Variants in PTAR1 observed in about 807,000 individuals in gnomAD.
PTAR1 encodes the protein protein prenyltransferase alpha subunit repeat-containing protein 1.
In PTAR1, 17 loss-of-function variants were observed where a neutral mutation model predicts 45.5. The ratio of observed to expected loss-of-function variants is 0.37; its 90% confidence interval spans 0.26 to 0.56. The LOEUF (loss-of-function observed/expected upper bound fraction) is 0.56. Ranked by LOEUF, PTAR1 falls within the 20% of genes least tolerant of loss-of-function variation. The pLI is 0.77. For synonymous variants in PTAR1, 169 were observed against 171.3 expected (o/e 0.99, Z 0.11); for missense variants, 391 against 476.3 (o/e 0.82, Z 1.67).
intron 2 of PTAR1, among the ~76,000 whole-genome samples, chr9:69,744,460 A>G (rs1013794057): frequency 2.0e-5 from 3 of 150,868 alleles, no homozygotes; most frequent in African/African-American, 7.3e-5. Context: ...ATCTTGGCTC[A>G]CTGCAACCTC....
At chr9:69,751,258 A>G (rs949051401) in intron 1 of PTAR1, among the ~76,000 whole-genome samples, 37 of 152,118 alleles carry the variant, frequency 2.4e-4, no homozygotes, top group African/African-American at 8.7e-4. Flanking sequence ...AAATTATCCT[A>G]TGCCAAAATA....
chr9:69,749,264 TTTTCTA>T (rs1391354550), intron 2 of PTAR1, among the ~76,000 whole-genome samples: 1 of 152,172 alleles, frequency 6.6e-6, no homozygotes, highest in Non-Finnish European at 1.5e-5. Context: ...ATTCAGTTTC[TTTTCTA>T]TAAGATAATC....
intron 1 of PTAR1, among the ~76,000 whole-genome samples, chr9:69,755,477 A>G (rs1340349778): frequency 6.6e-6 from 1 of 152,200 alleles, no homozygotes; most frequent in African/African-American, 2.4e-5. Flanking sequence ...ATTATCCACA[A>G]AAGTTGCATC....
chr9:69,724,102 G>T lies in PTAR1; in HGVS notation c.643-472C>A, dbSNP rs181313817. 1.3e-4 allele frequency among the ~76,000 whole-genome samples: 20 copies of T among 152,202 alleles called. No homozygotes were observed. In the Middle Eastern group the frequency reaches 0.01, roughly 78 times the overall value. ...TACAATAGGCTCAGTGAAATTATTT[G>T]TTCTTCAATATAAATGTCATGAGGG... On this transcript the variant is annotated intron_variant, in intron 5 of 7. Transcript: ENST00000340434.
rs142925450 is a variant in PTAR1, at chr9:69,743,799, C to T, written c.257-1941G>A. Among the ~76,000 whole-genome samples, 10 of 152,090 alleles carry T rather than the reference C, an allele frequency of 6.6e-5. No homozygotes were observed. The East Asian group carries it at 1.9e-3, about 29-fold the overall frequency. On this transcript the variant is annotated intron_variant, in intron 2 of 7. Coordinates refer to ENST00000340434, the MANE Select transcript of PTAR1 (RefSeq NM_001099666.2). The stretch of plus-strand genomic sequence containing the variant: ...CTGAGTGATTGAATGTAATGATAAA[C>T]AAGACCTAATTTTGCCTCTAGGTTA...
chr9:69,712,730 T>C lies in PTAR1; in HGVS notation c.*5612A>G, dbSNP rs1217521564. On this transcript the variant is annotated 3_prime_UTR_variant, in exon 8 of 8. Transcript: ENST00000340434. ...TGAAAACCAACGGTAATCATTTTCC[T>C]CAACAGTATTTCTAAAAGTTGAGAA... 6.6e-6 allele frequency: 1 copy of C among 152,122 alleles called. No homozygotes were observed. Among genetic ancestry groups the C allele is most frequent in the Non-Finnish European group, 1.5e-5 (1 of 68,010 alleles). The allele number at this position is 152,122 out of a possible 1,614,324, so 9.4% of individuals were successfully genotyped here.
chr9:69,747,880 G>C (rs1349357176), intron 2 of PTAR1, among the ~76,000 whole-genome samples: 1 of 152,140 alleles, frequency 6.6e-6, no homozygotes, highest in Non-Finnish European at 1.5e-5. Context: ...GGAAAAACTG[G>C]GGACAGACTG....
chr9:69,730,474 C>T (rs1825483622), intron 5 of PTAR1, among the ~76,000 whole-genome samples: 1 of 151,060 alleles, frequency 6.6e-6, no homozygotes, highest in African/African-American at 2.4e-5. Flanking sequence ...CAATCCTCCC[C>T]ATATCTCTTT....
In PTAR1 at chr9:69,723,424, T is replaced by C. The variant is rs752333455; in HGVS notation, c.849A>G (p.Glu283=). 6.2e-7 allele frequency: 1 copy of C among 1,613,878 alleles called. No homozygotes were observed. Among genetic ancestry groups the C allele is most frequent in the Admixed American group, 1.7e-5 (1 of 60,008 alleles). ...GAAGATGGGGAAGATTAATCCTTGG[T>C]TCTTCTGTTGAAACTGCTGCTTCTT... ...KDEEAAVSTE[E]PRINLPHLLE... is the part of the protein sequence containing the mutation. The change falls in exon 6 of 8, where the codon GAA becomes GAG. Residue 283 remains glutamate (E), a synonymous_variant. Transcript: ENST00000340434.
chr9:69,732,952 T>C (rs1289671305), intron 4 of PTAR1, among the ~76,000 whole-genome samples: 1 of 152,182 alleles, frequency 6.6e-6, no homozygotes, highest in African/African-American at 2.4e-5. Context: ...TGCATTAACA[T>C]GTATTTACAT....
Position 69,732,160 on chromosome 9 carries a change from G to A in PTAR1, c.621C>T (p.His207=). Residue 207 remains histidine (H), a synonymous_variant, in exon 5 of 8, where the codon CAC becomes CAT. Transcript: ENST00000340434. ...CTACCTTGACATCTAGCTTGGCCAA[G>A]TGCTGTAAAACCCAGATGCGATGGG... ...AWSHRIWVLQ[H]LAKLDVKILL... The A allele has an allele frequency of 6.2e-7, 1 of 1,612,916 alleles. No homozygotes were observed. Among genetic ancestry groups the A allele is most frequent in the Non-Finnish European group, 8.5e-7 (1 of 1,179,546 alleles).
chr9:69,750,719 C>A, intron 2 of PTAR1, 62 bp downstream of exon 2: 1 of 1,218,794 alleles, frequency 8.2e-7, no homozygotes, highest in Non-Finnish European at 1.1e-6. Context: ...GAGAAGGGCT[C>A]TTCCTACTAT....
chr9:69,757,456 A>G (rs571070170), intron 1 of PTAR1: 4 of 152,342 alleles, frequency 2.6e-5, no homozygotes, highest in African/African-American at 9.6e-5. Context: ...CCACTGTGTG[A>G]GGTGATTTTC....
chr9:69,759,860 G>T lies in PTAR1; in HGVS notation c.79C>A (p.Pro27Thr). The change falls in exon 1 of 8, where the codon CCA becomes ACA. Residue 27 changes from proline to threonine, a missense_variant. By Grantham distance (38) the Pro-to-Thr change is conservative. Coordinates refer to ENST00000340434, the MANE Select transcript of PTAR1 (RefSeq NM_001099666.2). ...CGGAGGCGCGCGACTCACATGTGTG[G>T]GTTCCTCCTGAAGGCGTTAGTGATG... is the stretch of plus-strand genomic sequence containing the variant. ...KDITNAFRRNPHIDEIGLIPC... is the reference protein window; with the variant it reads ...KDITNAFRRNTHIDEIGLIPC... The T allele has an allele frequency of 6.6e-7, 1 of 1,526,400 alleles. No individual in the cohort carries two copies. Among genetic ancestry groups the T allele is most frequent in the Non-Finnish European group, 8.8e-7 (1 of 1,136,132 alleles). The allele number at this position is 1,526,400 out of a possible 1,614,324, so 94.6% of individuals were successfully genotyped here. A position where few individuals can be genotyped will look rare whatever the true frequency, so the allele number is the denominator to read the frequency against.
At chr9:69,718,743 TC>T in intron 6 of PTAR1, 59 bp from the exon 7 acceptor site, 1 of 1,385,522 alleles carries the variant, frequency 7.2e-7, no homozygotes. Context: ...GTCAAGCTTT[TC>T]CAGAAAAAAA....
chr9:69,741,700 T>C lies in PTAR1; in HGVS notation c.323+92A>G, dbSNP rs1325181757. The C allele has an allele frequency of 5.1e-6, 4 of 788,488 alleles. No homozygotes were observed. In the African/African-American group the frequency reaches 6.9e-5, roughly 14 times the overall value. 48.8% of individuals were successfully genotyped at this position (788,488 alleles called of 1,614,324 possible). On this transcript the variant is annotated intron_variant, in intron 3 of 7. Coordinates refer to ENST00000340434, the MANE Select transcript of PTAR1 (RefSeq NM_001099666.2). ...GAAGAAATAAGTGTAAAATGGTTTA[T>C]ATTTCGTTTTCAAAAGCTAACAACT...
At chr9:69,724,700 C>T (rs1354176467) in intron 5 of PTAR1, among the ~76,000 whole-genome samples, 1 of 152,178 alleles carries the variant, frequency 6.6e-6, no homozygotes, top group Non-Finnish European at 1.5e-5. Context: ...AATTTCAGTG[C>T]ATCTCTTCAT....
intron 2 of PTAR1, among the ~76,000 whole-genome samples, chr9:69,750,470 A>AT (rs377137394): frequency 7.4e-5 from 11 of 148,410 alleles, no homozygotes; most frequent in South Asian, 2.1e-4. Flanking sequence ...TGACATTCAG[A>AT]TTTTTTTTTT....
chr9:69,744,565 T>C (rs895444793), intron 2 of PTAR1, among the ~76,000 whole-genome samples: 1 of 152,058 alleles, frequency 6.6e-6, no homozygotes, highest in Non-Finnish European at 1.5e-5. Flanking sequence ...TTTTGTATTT[T>C]AGTAGAGACG....
Sources: gnomAD v4.1 joint callset for allele counts (sites outside exome capture counted in the v4.1 genomes callset) on GRCh38, gnomAD v4.1.1 for gene constraint, MANE v1.5 for transcripts, NCBI Gene and HGNC (gene_info 2026-07-23, HGNC 2026-07-21) for gene names.